The following ROBO2 variants were observed in gnomAD, a reference collection of about 807,000 sequenced individuals.
ROBO2 encodes roundabout homolog 2.
A neutral mutation model predicts 160.8 loss-of-function variants in ROBO2; 53 were observed. The ratio of observed to expected loss-of-function variants is 0.33; its 90% CI spans 0.26 to 0.41. The LOEUF (loss-of-function observed/expected upper bound fraction) is 0.41. Among genes scored for constraint, ROBO2 ranks in the 10% least tolerant of loss-of-function variants. The pLI, the probability that ROBO2 is intolerant of heterozygous loss-of-function variation, is 1.00. For synonymous variants in ROBO2, 664 were observed against 611.7 expected (o/e 1.09, Z -1.26); for missense variants, 1,577 against 1,722.4 (o/e 0.92, Z 1.49).
intron 2 of ROBO2, among the ~76,000 whole-genome samples, chr3:76,425,604 C>T (rs569705047): frequency 6.6e-6 from 1 of 151,932 alleles, no homozygotes; most frequent in South Asian, 2.1e-4. Flanking sequence ...ATGTAGTAGT[C>T]ACTCAAAAAT....
chr3:77,522,969 A>C, intron 6 of ROBO2, 67 bp downstream of exon 6: 2 of 1,562,878 alleles, frequency 1.3e-6, no homozygotes, highest in Non-Finnish European at 1.8e-6. Context: ...TTGGTAAGTG[A>C]ACTTACGATC....
At chr3:76,645,487 C>A (rs563119263) in intron 2 of ROBO2, among the ~76,000 whole-genome samples, 1 of 152,062 alleles carries the variant, frequency 6.6e-6, no homozygotes, top group African/African-American at 2.4e-5. Flanking sequence ...TAAACAAGAG[C>A]GAAACACAGT....
chr3:76,784,459 C>T (rs1011395731), intron 2 of ROBO2, among the ~76,000 whole-genome samples: 2 of 151,144 alleles, frequency 1.3e-5, no homozygotes, highest in African/African-American at 2.4e-5. Flanking sequence ...TGCCCTAATG[C>T]ATTTAAACTA....
intron 2 of ROBO2, among the ~76,000 whole-genome samples, chr3:76,444,090 TGAGTAGCTGGGATTATAG>T (rs2077054830): frequency 2.0e-5 from 3 of 152,112 alleles, no homozygotes; most frequent in Admixed American, 2.0e-4. Flanking sequence ...CTCAGCCTCC[TGAGTAGCTGGGATTATAG>T]GCATGCGCCA....
intron 2 of ROBO2, among the ~76,000 whole-genome samples, chr3:76,963,850 G>GAAAAAAAAAAAAAAAAA (rs1252257358): frequency 9.1e-6 from 1 of 110,302 alleles, no homozygotes; most frequent in African/African-American, 3.7e-5. Context: ...AAAAAAAAAA[G>GAAAAAAAAAAAAAAAAA]AAAAAAAAGA....
chr3:76,555,358 G>GGGA (rs1201244951), intron 2 of ROBO2, among the ~76,000 whole-genome samples: 1 of 57,932 alleles, frequency 1.7e-5, no homozygotes, highest in Non-Finnish European at 3.8e-5. Context: ...AGTAGGAAGA[G>GGGA]AGAAGAAGAA....
At chr3:76,378,370 T>C (rs568151874) in intron 2 of ROBO2, among the ~76,000 whole-genome samples, 2 of 152,282 alleles carry the variant, frequency 1.3e-5, no homozygotes, top group South Asian at 2.1e-4. Context: ...TTGATGTATT[T>C]ATTTCTTTAA....
intron 2 of ROBO2, among the ~76,000 whole-genome samples, chr3:76,646,231 C>T (rs1271585289): frequency 6.6e-5 from 10 of 152,038 alleles, no homozygotes; most frequent in African/African-American, 1.4e-4. Flanking sequence ...AGTTGCTGAG[C>T]TAGGAAGAAG....
chr3:75,944,551 T>C (rs1441515752), intron 2 of ROBO2, among the ~76,000 whole-genome samples: 7 of 152,186 alleles, frequency 4.6e-5, no homozygotes, highest in Non-Finnish European at 7.3e-5. Flanking sequence ...TTATAAAGGC[T>C]GTACACAGTG....
intron 2 of ROBO2, among the ~76,000 whole-genome samples, chr3:76,849,438 T>C (rs559238029): frequency 5.3e-5 from 8 of 152,194 alleles, no homozygotes; most frequent in Admixed American, 2.0e-4. Context: ...ACACTATTAA[T>C]TTTGCAGCTA....
chr3:76,689,202 A>G (rs2107170141), intron 2 of ROBO2, among the ~76,000 whole-genome samples: 1 of 152,174 alleles, frequency 6.6e-6, no homozygotes, highest in African/African-American at 2.4e-5. Context: ...ATATAACATC[A>G]TGTTTATTCA....
intron 2 of ROBO2, among the ~76,000 whole-genome samples, chr3:76,254,895 C>T (rs1288565985): frequency 6.6e-6 from 1 of 152,066 alleles, no homozygotes; most frequent in South Asian, 2.1e-4. Context: ...CAGGAGCTCA[C>T]TGTATCCACT....
chr3:76,069,232 A>T (rs2068363128), intron 2 of ROBO2, among the ~76,000 whole-genome samples: 1 of 152,212 alleles, frequency 6.6e-6, no homozygotes, highest in Admixed American at 6.5e-5. Context: ...TGACTTTCTG[A>T]TTTTCTCCCT....
chr3:76,764,655 C>T (rs1421697836), intron 2 of ROBO2, among the ~76,000 whole-genome samples: 1 of 151,636 alleles, frequency 6.6e-6, no homozygotes, highest in Non-Finnish European at 1.5e-5. Context: ...CATGCCATCT[C>T]AAATGCTTTC....
intron 2 of ROBO2, among the ~76,000 whole-genome samples, chr3:76,080,973 C>G (rs1217954237): frequency 1.3e-5 from 2 of 151,952 alleles, no homozygotes; most frequent in Non-Finnish European, 2.9e-5. Context: ...AAGAGACTGG[C>G]TTGTTAACAG....
At chr3:77,398,945 T>C (rs1298865954) in intron 2 of ROBO2, among the ~76,000 whole-genome samples, 1 of 152,110 alleles carries the variant, frequency 6.6e-6, no homozygotes, top group African/African-American at 2.4e-5. Context: ...CTGGAGTTAA[T>C]AGAAGTTATT....
intron 6 of ROBO2, among the ~76,000 whole-genome samples, chr3:77,529,029 A>C (rs1348464317): frequency 2.0e-5 from 3 of 151,494 alleles, no homozygotes; most frequent in African/African-American, 7.3e-5. Context: ...GGTAGAATAC[A>C]TGACCACTCT....
intron 2 of ROBO2, among the ~76,000 whole-genome samples, chr3:76,050,201 G>A (rs2067607500): frequency 6.6e-6 from 1 of 152,172 alleles, no homozygotes; most frequent in African/African-American, 2.4e-5. Context: ...TAAGAGAAAA[G>A]CAGGCAGAAG....
At chr3:77,537,011 G>A (rs540140701) in intron 6 of ROBO2, among the ~76,000 whole-genome samples, 1 of 150,672 alleles carries the variant, frequency 6.6e-6, no homozygotes, top group East Asian at 2.0e-4. Flanking sequence ...TATTTACATT[G>A]TGGCATTTCA....
Sources: allele counts gnomAD v4.1 joint callset (sites outside exome capture counted in the v4.1 genomes callset), GRCh38; gene constraint gnomAD v4.1.1; transcripts MANE v1.5; gene names NCBI Gene and HGNC (gene_info 2026-07-23, HGNC 2026-07-21).